The following AGBL1 variants were observed in gnomAD, a reference collection of about 807,000 sequenced individuals.
AGBL1 encodes cytosolic carboxypeptidase 4.
In AGBL1, 130 loss-of-function variants were observed where a neutral mutation model predicts 118.9. The observed-to-expected ratio is 1.09, with a 90% CI of 0.95 to 1.26. The LOEUF (loss-of-function observed/expected upper bound fraction) is 1.26. Ranked by LOEUF, AGBL1 falls within the 50% of genes most tolerant of loss-of-function variation. The pLI, the probability that AGBL1 is intolerant of heterozygous loss-of-function variation, is 0.00. For missense variants in AGBL1, 1,584 were observed against 1,298.1 expected (o/e 1.22, Z -3.38); for synonymous variants, 555 against 478.9 (o/e 1.16, Z -2.08).
intron 17 of AGBL1, among the ~76,000 whole-genome samples, chr15:86,314,511 A>G (rs993442447): frequency 5.9e-5 from 9 of 152,286 alleles, no homozygotes; most frequent in African/African-American, 2.2e-4. Flanking sequence ...GCAGGAACCA[A>G]CTGGAGAAAT....
chr15:87,001,920 C>G (rs2141761653), intron 24 of AGBL1, among the ~76,000 whole-genome samples: 1 of 152,088 alleles, frequency 6.6e-6, no homozygotes, highest in East Asian at 1.9e-4. Context: ...TTCTCCCATT[C>G]TGTAGGTTGC....
intron 17 of AGBL1, among the ~76,000 whole-genome samples, chr15:86,325,660 T>C (rs1488102117): frequency 6.6e-6 from 1 of 152,186 alleles, no homozygotes; most frequent in Non-Finnish European, 1.5e-5. Context: ...CACAGCCATC[T>C]TCCATCCCCC....
chr15:86,314,450 C>T (rs946682075), intron 17 of AGBL1, among the ~76,000 whole-genome samples: 12 of 152,156 alleles, frequency 7.9e-5, no homozygotes, highest in African/African-American at 2.9e-4. Flanking sequence ...CTGGTTTTGG[C>T]AGCACAGTGA....
At position 86,111,243 on chromosome 15, in the gene AGBL1, T is replaced by C. The variant is rs1393559039; in HGVS notation, c.52-30761T>C. Among the ~76,000 whole-genome samples, 51 of 152,316 alleles carry C rather than the reference T, an allele frequency of 3.3e-4. 1 individual carries two copies. The highest frequency in any genetic ancestry group is 1.0e-4 in the Non-Finnish European group (7 of 68,024). ...TTGGCCTTTGATTTCTCTCCTTTGA[T>C]GGATGGACTGGGAATGGGAGAAAGG... On this transcript the variant is annotated intron_variant, in intron 1 of 22. Coordinates refer to ENST00000614907, the MANE Select transcript of AGBL1 (RefSeq NM_001386094.1).
intron 23 of AGBL1, among the ~76,000 whole-genome samples, chr15:86,945,825 TAA>T (rs1195867101): frequency 6.6e-6 from 1 of 152,240 alleles, no homozygotes; most frequent in African/African-American, 2.4e-5. Flanking sequence ...TACAGCACTT[TAA>T]AAAGATACTT....
chr15:86,675,847 C>T (rs192872695), intron 22 of AGBL1, among the ~76,000 whole-genome samples: 28 of 152,216 alleles, frequency 1.8e-4, no homozygotes, highest in Non-Finnish European at 3.2e-4. Flanking sequence ...TGCTTGCTTT[C>T]GTCAAATTGA....
chr15:86,289,351 G>A (rs2079508315), intron 16 of AGBL1, among the ~76,000 whole-genome samples: 1 of 151,602 alleles, frequency 6.6e-6, no homozygotes, highest in Admixed American at 6.6e-5. Context: ...TTCATCCTCA[G>A]GGTTTATAAC....
intron 22 of AGBL1, among the ~76,000 whole-genome samples, chr15:86,771,767 A>C (rs930627069): frequency 6.6e-6 from 1 of 151,918 alleles, no homozygotes; most frequent in Non-Finnish European, 1.5e-5. Context: ...TTCTCCAATG[A>C]ACTGGAAAGG....
Position 86,604,959 on chromosome 15 carries a change from C to A in AGBL1, c.2994+50422C>A, listed in dbSNP as rs2084552821. Among the ~76,000 whole-genome samples the A allele has an allele frequency of 2.6e-5, 4 of 152,020 alleles. No individual in the cohort carries two copies. In the South Asian group the frequency reaches 8.3e-4, roughly 32 times the overall value. On this transcript the variant is annotated intron_variant, in intron 21 of 22. Transcript: ENST00000614907. ...TACAGGCATGCGCCACCACGCCCGG[C>A]TAATTTTGTATTTTTAGTAGAGACG...
intron 6 of AGBL1, among the ~76,000 whole-genome samples, chr15:86,225,544 G>A (rs1220312205): frequency 1.3e-5 from 2 of 152,124 alleles, no homozygotes; most frequent in South Asian, 2.1e-4. Flanking sequence ...TAGCTCTGGG[G>A]TTCTGAATAA....
At chr15:86,446,714 A>T (rs1219150749) in intron 18 of AGBL1, among the ~76,000 whole-genome samples, 1 of 152,196 alleles carries the variant, frequency 6.6e-6, no homozygotes, top group African/African-American at 2.4e-5. Context: ...TAAGAGAATA[A>T]ATCTGTGTTA....
At chr15:86,873,980 A>G (rs1405997887) in intron 22 of AGBL1, among the ~76,000 whole-genome samples, 1 of 152,174 alleles carries the variant, frequency 6.6e-6, no homozygotes, top group East Asian at 1.9e-4. Context: ...TCTATTACCT[A>G]TTAAGCCTGT....
At chr15:86,233,971 T>G (rs1207765872) in intron 6 of AGBL1, among the ~76,000 whole-genome samples, 1 of 152,146 alleles carries the variant, frequency 6.6e-6, no homozygotes, top group African/African-American at 2.4e-5. Flanking sequence ...GATGGTGGTG[T>G]TGAGTTTTTC....
At chr15:86,414,089 T>C (rs939959634) in intron 18 of AGBL1, among the ~76,000 whole-genome samples, 3 of 152,138 alleles carry the variant, frequency 2.0e-5, no homozygotes, top group African/African-American at 7.2e-5. Flanking sequence ...AGACAAATAC[T>C]GTATGTTCTC....
chr15:87,026,509 T>G (rs990776370), intron 24 of AGBL1, among the ~76,000 whole-genome samples: 5 of 152,082 alleles, frequency 3.3e-5, no homozygotes, highest in Middle Eastern at 3.4e-3. Flanking sequence ...GACGTTGGCA[T>G]GGATGTGGTG....
At chr15:86,217,689 G>A (rs2078211787) in intron 5 of AGBL1, among the ~76,000 whole-genome samples, 1 of 152,210 alleles carries the variant, frequency 6.6e-6, no homozygotes, top group Non-Finnish European at 1.5e-5. Context: ...CATTAGCAAG[G>A]TCAAAGGACA....
intron 18 of AGBL1, among the ~76,000 whole-genome samples, chr15:86,454,272 G>A (rs2082233821): frequency 6.6e-6 from 1 of 152,282 alleles, no homozygotes; most frequent in South Asian, 2.1e-4. Flanking sequence ...TAAAAATGAA[G>A]CTAATTGTTG....
At chr15:86,713,591 C>T (rs559372293) in intron 22 of AGBL1, among the ~76,000 whole-genome samples, 1 of 152,054 alleles carries the variant, frequency 6.6e-6, no homozygotes, top group Non-Finnish European at 1.5e-5. Flanking sequence ...GGGAAAAGAA[C>T]TGGGTGATGC....
chr15:86,983,871 G>A (rs575646168), intron 23 of AGBL1, among the ~76,000 whole-genome samples: 18 of 152,292 alleles, frequency 1.2e-4, no homozygotes, highest in African/African-American at 4.3e-4. Flanking sequence ...TGTGTACATA[G>A]GTAGTTCTCT....
Sources: gnomAD v4.1 joint callset for allele counts (sites outside exome capture counted in the v4.1 genomes callset) on GRCh38, gnomAD v4.1.1 for gene constraint, MANE v1.5 for transcripts, NCBI Gene and HGNC (gene_info 2026-07-23, HGNC 2026-07-21) for gene names.